The following RHOBTB3 variants were observed in gnomAD, a reference collection of about 807,000 sequenced individuals.
RHOBTB3 encodes Rho related BTB domain containing 3.
Under a neutral mutation model 67.2 loss-of-function variants are expected in RHOBTB3, and 47 were observed. The ratio of observed to expected loss-of-function variants is 0.70; its 90% CI spans 0.55 to 0.89. RHOBTB3 has a LOEUF of 0.89. Among genes scored for constraint, RHOBTB3 ranks in the 40% least tolerant of loss-of-function variants. The probability of loss-of-function intolerance (pLI) is 0.00; values close to 1 mark genes in which losing one functional copy is unlikely to be tolerated. For missense variants in RHOBTB3, 631 were observed against 750.0 expected, an observed-to-expected ratio of 0.84 and a Z score of 1.85; for synonymous variants, 273 against 274.2, an observed-to-expected ratio of 1.00 and a Z score of 0.04.
chr5:95,794,085 C>G lies in RHOBTB3; in HGVS notation c.*911C>G, dbSNP rs971192994. ...GAGGGAAGAGAACATAGTGAAGATT[C>G]CCGCCTTTGGGGAGGTCTGGACCAC... On this transcript the variant is annotated 3_prime_UTR_variant, in exon 12 of 12. Transcript: ENST00000379982. 9.4e-5 allele frequency: 43 copies of G among 455,408 alleles called. No homozygotes were observed. The highest frequency in any genetic ancestry group is 4.0e-5 in the Non-Finnish European group (9 of 226,658). The allele number at this position is 455,408 out of a possible 1,614,324, so 28.2% of individuals were successfully genotyped here. A position where few individuals can be genotyped will look rare whatever the true frequency, so the allele number is the denominator to read the frequency against.
At chr5:95,790,079 T>C (rs1008365346) in intron 11 of RHOBTB3, among the ~76,000 whole-genome samples, 4 of 152,232 alleles carry the variant, frequency 2.6e-5, no homozygotes, top group Non-Finnish European at 5.9e-5. Context: ...TTTTGGGAGA[T>C]GTATTCAGCC....
intron 3 of RHOBTB3, among the ~76,000 whole-genome samples, chr5:95,745,139 T>C (rs1455482928): frequency 1.3e-5 from 2 of 151,224 alleles, no homozygotes; most frequent in African/African-American, 4.9e-5. Context: ...TCTCGCTATG[T>C]CAACCAAGCT....
intron 10 of RHOBTB3, among the ~76,000 whole-genome samples, chr5:95,784,569 A>G (rs904954936): frequency 1.3e-5 from 2 of 152,114 alleles, no homozygotes; most frequent in Admixed American, 1.3e-4. Context: ...TTTTGTTTTC[A>G]ATAATTATAT....
chr5:95,749,314 G>A (rs1448212118), intron 4 of RHOBTB3, among the ~76,000 whole-genome samples: 4 of 152,130 alleles, frequency 2.6e-5, no homozygotes, highest in African/African-American at 9.7e-5. Flanking sequence ...TTTCCAATAC[G>A]CCCCAATATT....
chr5:95,750,665 G>A (rs577304944), intron 4 of RHOBTB3, among the ~76,000 whole-genome samples: 27 of 152,194 alleles, frequency 1.8e-4, no homozygotes, highest in Non-Finnish European at 3.8e-4. Flanking sequence ...GCCTGTGCAG[G>A]CCATTTTCCT....
intron 8 of RHOBTB3, among the ~76,000 whole-genome samples, chr5:95,773,742 A>G (rs898246330): frequency 6.6e-6 from 1 of 152,190 alleles, no homozygotes; most frequent in Non-Finnish European, 1.5e-5. Flanking sequence ...AAGTTGAGTG[A>G]ATTCTTGTTC....
intron 1 of RHOBTB3, among the ~76,000 whole-genome samples, chr5:95,720,211 C>G (rs897118601): frequency 1.3e-5 from 2 of 152,128 alleles, no homozygotes; most frequent in Non-Finnish European, 2.9e-5. Context: ...GAAGAATGAG[C>G]CTTGGATAAT....
At chr5:95,729,317 T>TGGG (rs1350696337), upstream of RHOBTB3, among the ~76,000 whole-genome samples, 1 of 152,182 alleles carries the variant, frequency 6.6e-6, no homozygotes, top group Admixed American at 6.5e-5. Context: ...GACCAAGTCT[T>TGGG]ATGTACCTTG....
At chr5:95,722,763 G>C (rs78120789) in intron 1 of RHOBTB3, among the ~76,000 whole-genome samples, 1 of 152,168 alleles carries the variant, frequency 6.6e-6, no homozygotes, top group African/African-American at 2.4e-5. Flanking sequence ...GATTATAGGC[G>C]TGAGCCACTG....
chr5:95,786,021 A>G (rs1746215103), intron 10 of RHOBTB3, among the ~76,000 whole-genome samples: 1 of 152,164 alleles, frequency 6.6e-6, no homozygotes, highest in Admixed American at 6.6e-5. Context: ...TTGAATTTCA[A>G]ACAATCTAAG....
At chr5:95,749,274 A>G (rs1690294770) in intron 4 of RHOBTB3, among the ~76,000 whole-genome samples, 1 of 152,274 alleles carries the variant, frequency 6.6e-6, no homozygotes, top group South Asian at 2.1e-4. Context: ...GGCATCCGCC[A>G]TCGGTTCCCT....
chr5:95,785,225 A>G (rs1746187036), intron 10 of RHOBTB3, among the ~76,000 whole-genome samples: 1 of 152,154 alleles, frequency 6.6e-6, no homozygotes, highest in Admixed American at 6.5e-5. Context: ...CTCCTTAACT[A>G]TTTTGGACTT....
At chr5:95,782,809 C>CAAAAAAAAA (rs5869692) in intron 9 of RHOBTB3, 2 of 99,112 alleles carry the variant, frequency 2.0e-5, no homozygotes, top group Non-Finnish European at 4.1e-5. Flanking sequence ...GACTCCATCT[C>CAAAAAAAAA]AAAAAAAAAA....
Position 95,731,339 on chromosome 5 carries a change from A to C in RHOBTB3, c.-344A>C, listed in dbSNP as rs1426091546. On this transcript the variant is annotated 5_prime_UTR_variant, in exon 1 of 12. Transcript: ENST00000379982. ...GAGGAGGAGCAGCGGCAGCGGCAGC[A>C]GGAGGCGACAGCTGCCAGCCGAGGA... is the stretch of plus-strand genomic sequence containing the variant. 1 of 1,105,420 alleles carries C rather than the reference A, an allele frequency of 9.0e-7. No homozygotes were observed. 68.5% of individuals were successfully genotyped at this position (1,105,420 alleles called of 1,614,324 possible). A position where few individuals can be genotyped will look rare whatever the true frequency, so the allele number is the denominator to read the frequency against.
chr5:95,731,134 T>A, upstream of RHOBTB3: 1 of 1,020,896 alleles, frequency 9.8e-7, no homozygotes, highest in Non-Finnish European at 1.2e-6. Flanking sequence ...TAATTTATAT[T>A]CCGCGGCGCC....
chr5:95,789,791 T>C (rs1017167808), intron 11 of RHOBTB3: 7 of 152,366 alleles, frequency 4.6e-5, no homozygotes, highest in African/African-American at 1.7e-4. Flanking sequence ...CCACTTTATC[T>C]GTTTCATATC....
chr5:95,793,188 T>C lies in RHOBTB3; in HGVS notation c.*14T>C, dbSNP rs1746469141. 6.7e-7 allele frequency: 1 copy of C among 1,489,234 alleles called. No homozygotes were observed. Among genetic ancestry groups the C allele is most frequent in the Non-Finnish European group, 9.3e-7 (1 of 1,076,932 alleles). The allele number at this position is 1,489,234 out of a possible 1,614,324, so 92.3% of individuals were successfully genotyped here. On this transcript the variant is annotated 3_prime_UTR_variant, in exon 12 of 12. Transcript: ENST00000379982. The stretch of plus-strand genomic sequence containing the variant: ...TTAGTAATGTAACCTGGAGCTTTTA[T>C]ACACTACATTTCTTTTTTATTATTA...
rs760294946 is a variant in RHOBTB3, at chr5:95,768,015, C to G, written c.1162-31C>G. The stretch of plus-strand genomic sequence containing the variant: ...TATGTTATCAAAGCATGTTAAACAA[C>G]CTTTCCCTGTATTTTTGTTTTCCCT... On this transcript the variant is annotated intron_variant, in intron 7 of 11. Coordinates refer to ENST00000379982, the MANE Select transcript of RHOBTB3 (RefSeq NM_014899.4). 1.9e-6 allele frequency: 3 copies of G among 1,605,974 alleles called. No individual in the cohort carries two copies. The South Asian group carries it at 3.3e-5, about 18-fold the overall frequency.
chr5:95,747,985 T>C (rs1201079153), intron 3 of RHOBTB3, among the ~76,000 whole-genome samples: 2 of 152,370 alleles, frequency 1.3e-5, no homozygotes, highest in East Asian at 3.9e-4. Flanking sequence ...ATCAAGTTGT[T>C]ACATTTATCT....
Sources: allele counts gnomAD v4.1 joint callset (sites outside exome capture counted in the v4.1 genomes callset), GRCh38; gene constraint gnomAD v4.1.1; transcripts MANE v1.5; gene names NCBI Gene and HGNC (gene_info 2026-07-23, HGNC 2026-07-21).